Variants in STAU2 observed in about 807,000 individuals in gnomAD.
STAU2 encodes the protein staufen double-stranded RNA binding protein 2, also known as double-stranded RNA-binding protein Staufen homolog 2.
Under a neutral mutation model 65.9 loss-of-function variants are expected in STAU2, and 20 were observed. That is an observed-to-expected ratio of 0.30 (90% CI 0.21 to 0.44). STAU2 has a LOEUF of 0.44. STAU2 is among the 20% of genes least tolerant of loss of function. The pLI, the probability that STAU2 is intolerant of heterozygous loss-of-function variation, is 1.00. For synonymous variants in STAU2, 232 were observed against 233.9 expected (o/e 0.99, Z 0.07); for missense variants, 558 against 683.9 (o/e 0.82, Z 2.05).
At chr8:73,551,006 G>C in intron 13 of STAU2, 2 of 985,854 alleles carry the variant, frequency 2.0e-6, no homozygotes, top group Non-Finnish European at 2.4e-6. Context: ...TACAGTTTTT[G>C]GTCTTAAGGA....
intron 4 of STAU2, 80 bp downstream of exon 4, chr8:73,708,952 A>G: frequency 6.6e-6 from 9 of 1,362,444 alleles, no homozygotes; most frequent in Non-Finnish European, 8.5e-6. Flanking sequence ...CACTCCCCAA[A>G]ATAAAGCACG....
intron 5 of STAU2, among the ~76,000 whole-genome samples, chr8:73,674,138 A>T (rs1300905330): frequency 3.3e-5 from 5 of 151,604 alleles, no homozygotes; most frequent in African/African-American, 1.2e-4. Flanking sequence ...AAAAAAAAAA[A>T]AAAAAACTTA....
At chr8:73,747,005 G>T, upstream of STAU2, 2 of 332,022 alleles carry the variant, frequency 6.0e-6, no homozygotes, top group Non-Finnish European at 8.5e-6. Context: ...CGGCCGGCGC[G>T]CGCGCCCGGC....
intron 13 of STAU2, among the ~76,000 whole-genome samples, chr8:73,547,592 T>C (rs1311782383): frequency 6.6e-6 from 1 of 152,192 alleles, no homozygotes; most frequent in African/African-American, 2.4e-5. Flanking sequence ...TTCTAACACA[T>C]ACTTAAGTCT....
intron 6 of STAU2, among the ~76,000 whole-genome samples, chr8:73,664,562 C>G (rs1817091660): frequency 1.3e-5 from 2 of 152,138 alleles, no homozygotes; most frequent in Admixed American, 1.3e-4. Flanking sequence ...TATGGTTGTT[C>G]TCCTTTATTC....
intron 13 of STAU2, among the ~76,000 whole-genome samples, chr8:73,497,999 A>T (rs915197527): frequency 6.6e-6 from 1 of 151,854 alleles, no homozygotes; most frequent in Non-Finnish European, 1.5e-5. Context: ...ACGTGGCAAC[A>T]TAATATACTG....
chr8:73,527,635 G>T, intron 13 of STAU2: 1 of 1,333,824 alleles, frequency 7.5e-7, no homozygotes, highest in Non-Finnish European at 1.0e-6. Context: ...CATTTTGATG[G>T]CCTTCCATTT....
At chr8:73,504,765 A>T (rs1008960831) in intron 13 of STAU2, among the ~76,000 whole-genome samples, 4 of 152,040 alleles carry the variant, frequency 2.6e-5, no homozygotes, top group African/African-American at 9.7e-5. Context: ...ATAGATTTTT[A>T]AAATAACCTT....
intron 6 of STAU2, among the ~76,000 whole-genome samples, chr8:73,649,874 TATATATATATATATA>T (rs1815718951): frequency 2.1e-4 from 24 of 112,988 alleles, no homozygotes; most frequent in Non-Finnish European, 3.1e-4. Context: ...TAATTTTATA[TATATATATATATATA>T]TATATATATA....
chr8:73,608,518 G>A (rs1335376003), intron 9 of STAU2, among the ~76,000 whole-genome samples: 1 of 151,804 alleles, frequency 6.6e-6, no homozygotes, highest in African/African-American at 2.4e-5. Context: ...GAGGAAGGCA[G>A]GAGAATTGCT....
At chr8:73,509,468 A>C (rs1238762200) in intron 13 of STAU2, among the ~76,000 whole-genome samples, 1 of 152,190 alleles carries the variant, frequency 6.6e-6, no homozygotes, top group Non-Finnish European at 1.5e-5. Context: ...TTTTAAAATA[A>C]ATTTTTAAAA....
chr8:73,421,316 C>T lies in STAU2; in HGVS notation c.*56G>A. On this transcript the variant is annotated 3_prime_UTR_variant, in exon 15 of 15. Transcript: ENST00000524300. ...TCATTTCCCTGAACACAGACACCCT[C>T]ATGCGTGCTGACAGGTTTATAAGGA... 1 of 1,436,822 alleles carries T rather than the reference C, an allele frequency of 7.0e-7. No individual in the cohort carries two copies. Among genetic ancestry groups the T allele is most frequent in the Non-Finnish European group, 9.5e-7 (1 of 1,055,902 alleles). The allele number at this position is 1,436,822 out of a possible 1,614,324, so 89.0% of individuals were successfully genotyped here. A position where few individuals can be genotyped will look rare whatever the true frequency, so the allele number is the denominator to read the frequency against.
chr8:73,699,889 C>A (rs2130594799), intron 4 of STAU2, among the ~76,000 whole-genome samples: 1 of 145,552 alleles, frequency 6.9e-6, no homozygotes, highest in Non-Finnish European at 1.5e-5. Flanking sequence ...ACCTACAGAC[C>A]AATACCTCTG....
chr8:73,561,866 T>A (rs548971838), intron 12 of STAU2, among the ~76,000 whole-genome samples: 3 of 152,350 alleles, frequency 2.0e-5, no homozygotes, highest in African/African-American at 7.2e-5. Context: ...GTAGGGACTA[T>A]GAATATTCCC....
At chr8:73,629,898 C>T (rs145210661) in intron 6 of STAU2, among the ~76,000 whole-genome samples, 13 of 152,240 alleles carry the variant, frequency 8.5e-5, no homozygotes, top group Non-Finnish European at 1.2e-4. Context: ...GAACCACAGG[C>T]GTGCACTACC....
chr8:73,684,589 A>G (rs1035120654), intron 5 of STAU2, among the ~76,000 whole-genome samples: 8 of 152,216 alleles, frequency 5.3e-5, no homozygotes, highest in Non-Finnish European at 8.8e-5. Flanking sequence ...CAAATGCAAC[A>G]AAAACAAAGA....
At chr8:73,624,163 G>A (rs1813473147) in intron 6 of STAU2, among the ~76,000 whole-genome samples, 1 of 152,008 alleles carries the variant, frequency 6.6e-6, no homozygotes, top group Non-Finnish European at 1.5e-5. Context: ...ATACTTAATT[G>A]AAGGAAGTCT....
chr8:73,451,063 G>A (rs188766603), intron 13 of STAU2, among the ~76,000 whole-genome samples: 5 of 152,284 alleles, frequency 3.3e-5, no homozygotes, highest in Admixed American at 1.3e-4. Flanking sequence ...TGATCCACAC[G>A]CTGCCGGCAA....
At chr8:73,674,827 C>T (rs1817925895) in intron 5 of STAU2, among the ~76,000 whole-genome samples, 1 of 151,556 alleles carries the variant, frequency 6.6e-6, no homozygotes, top group Non-Finnish European at 1.5e-5. Context: ...GTTTTAAATC[C>T]TAACTGAAAT....
Sources: gnomAD v4.1 joint callset for allele counts (sites outside exome capture counted in the v4.1 genomes callset) on GRCh38, gnomAD v4.1.1 for gene constraint, MANE v1.5 for transcripts, NCBI Gene and HGNC (gene_info 2026-07-23, HGNC 2026-07-21) for gene names.